The following LCOR variants were observed in gnomAD, a reference collection of about 807,000 sequenced individuals.
The protein encoded by LCOR is ligand dependent nuclear receptor corepressor, also known as ligand-dependent corepressor.
In LCOR, 14 loss-of-function variants were observed where a neutral mutation model predicts 64.4. That is an observed-to-expected ratio of 0.22 (90% CI 0.14 to 0.34). The LOEUF (loss-of-function observed/expected upper bound fraction) is 0.34, where lower values mean the gene tolerates loss of function less well. Among genes scored for constraint, LCOR ranks in the 10% least tolerant of loss-of-function variants. The pLI is 1.00. For synonymous variants in LCOR, 643 were observed against 642.5 expected, an observed-to-expected ratio of 1.00 and a Z score of -0.01; for missense variants, 1,686 against 1,765.3, an observed-to-expected ratio of 0.96 and a Z score of 0.80.
chr10:96,832,701 C>T (rs930256105), intron 1 of LCOR, among the ~76,000 whole-genome samples: 8 of 150,804 alleles, frequency 5.3e-5, no homozygotes, highest in Non-Finnish European at 7.4e-5. Flanking sequence ...GCTCCCCTCC[C>T]TCCCCGCTCC....
At chr10:96,857,415 G>A (rs1443846567) in intron 2 of LCOR, among the ~76,000 whole-genome samples, 1 of 152,174 alleles carries the variant, frequency 6.6e-6, no homozygotes, top group South Asian at 2.1e-4. Flanking sequence ...TGTGTGAATT[G>A]ATGCTGCTAT....
At chr10:96,953,331 C>G (rs1023125698) in intron 7 of LCOR, among the ~76,000 whole-genome samples, 1 of 152,026 alleles carries the variant, frequency 6.6e-6, no homozygotes, top group Non-Finnish European at 1.5e-5. Context: ...GCGGGCAGAT[C>G]ACTTGAGGTC....
At chr10:96,861,330 G>A (rs1046766354) in intron 2 of LCOR, among the ~76,000 whole-genome samples, 22 of 152,324 alleles carry the variant, frequency 1.4e-4, no homozygotes, top group African/African-American at 5.3e-4. Context: ...AGTGATGAAT[G>A]CAGTAAGCTT....
intron 4 of LCOR, among the ~76,000 whole-genome samples, chr10:96,924,621 C>T (rs1847136998): frequency 6.6e-6 from 1 of 150,696 alleles, no homozygotes; most frequent in African/African-American, 2.4e-5. Context: ...ACCTATATAC[C>T]CTTCACCGAG....
intron 2 of LCOR, among the ~76,000 whole-genome samples, chr10:96,877,513 G>A (rs1225689232): frequency 2.0e-5 from 3 of 150,572 alleles, no homozygotes; most frequent in Non-Finnish European, 2.9e-5. Flanking sequence ...GAGTGAGTGA[G>A]ATCCTGTCTC....
intron 2 of LCOR, among the ~76,000 whole-genome samples, chr10:96,863,735 T>C (rs770299081): frequency 1.4e-4 from 22 of 152,218 alleles, no homozygotes; most frequent in Non-Finnish European, 2.8e-4. Flanking sequence ...GCCCAAAGGC[T>C]TGGTCTTGTA....
At position 96,982,545 on chromosome 10, in the gene LCOR, A is replaced by G. The variant is rs750977287; in HGVS notation, c.2085A>G (p.Ile695Met). 1 of 1,614,164 alleles carries G rather than the reference A, an allele frequency of 6.2e-7. No individual in the cohort carries two copies. Among genetic ancestry groups the G allele is most frequent in the Non-Finnish European group, 8.5e-7 (1 of 1,180,040 alleles). ...CTAGGCCTCATTCTCCTCCTGAAAT[A>G]GTCAGTAGAGAAGAAAGTCCTCAGT... ...VISRPHSPPEIVSREESPQCS... is the reference protein window; with the variant it reads ...VISRPHSPPEMVSREESPQCS... The change falls in exon 8 of 8, where the codon ATA becomes ATG. Residue 695 changes from isoleucine (I) to methionine (M), a missense_variant. By Grantham distance (10) the Ile-to-Met change is conservative (BLOSUM62 1). Around this residue, in one of 3 missense-constraint regions of LCOR, gnomAD observed 1,293 missense variants for 1,410.4 expected, o/e 0.92. Transcript: ENST00000421806.
In LCOR at chr10:96,982,321, C is replaced by T. The variant is rs1372502721; in HGVS notation, c.1861C>T (p.Pro621Ser). Reference sequence around the variant, plus strand: ...AGCCTCCAGCCTGGTGTGGCCTCTCCCTGCTCACCTTCCTGAAGAGGACCT... The same window carrying T: ...AGCCTCCAGCCTGGTGTGGCCTCTCTCTGCTCACCTTCCTGAAGAGGACCT... ...TTASSLVWPL[P>S]AHLPEEDLPE... is the part of the protein sequence containing the mutation. The change falls in exon 8 of 8, where the codon CCT becomes TCT. Residue 621 changes from proline to serine, a missense_variant. Pro to Ser is a moderately conservative substitution (Grantham distance 74, BLOSUM62 -1). Around this residue, in one of 3 missense-constraint regions of LCOR, gnomAD observed 1,293 missense variants for 1,410.4 expected, o/e 0.92. Coordinates refer to ENST00000421806, the MANE Select transcript of LCOR (RefSeq NM_001346516.2). 2 of 1,614,212 alleles carry T rather than the reference C, an allele frequency of 1.2e-6. No homozygotes were observed. Among genetic ancestry groups the T allele is most frequent in the Non-Finnish European group, 1.7e-6 (2 of 1,180,036 alleles).
At chr10:96,832,540 C>G (rs1048407028) in intron 1 of LCOR, 141 bp downstream of exon 1, 9 of 185,044 alleles carry the variant, frequency 4.9e-5, no homozygotes, top group Non-Finnish European at 7.0e-5. Context: ...CCTTCCCCCA[C>G]CCCCCGGAGT....
chr10:96,938,696 G>A (rs558036014), intron 4 of LCOR, among the ~76,000 whole-genome samples: 35 of 151,876 alleles, frequency 2.3e-4, no homozygotes, highest in African/African-American at 7.2e-4. Context: ...CAGAATACCC[G>A]TCATTAAAAA....
chr10:96,843,488 A>G (rs979151219), intron 2 of LCOR, among the ~76,000 whole-genome samples: 1 of 152,114 alleles, frequency 6.6e-6, no homozygotes, highest in African/African-American at 2.4e-5. Flanking sequence ...TGCCCACTGG[A>G]TATTATCCTG....
chr10:96,893,446 A>C lies in LCOR; in HGVS notation c.-329-13819A>C, dbSNP rs940079069. Among the ~76,000 whole-genome samples the C allele has an allele frequency of 5.9e-5, 9 of 152,186 alleles. No homozygotes were observed. The East Asian group carries it at 1.7e-3, about 29-fold the overall frequency. On this transcript the variant is annotated intron_variant, in intron 2 of 7. Transcript: ENST00000421806. ...TCACGTTATAAATTTATAGCCAAGG[A>C]AAGTGAGGTGTGAAGAAGACAAATT...
At chr10:96,840,397 C>G (rs1476239568) in intron 2 of LCOR, among the ~76,000 whole-genome samples, 3 of 152,056 alleles carry the variant, frequency 2.0e-5, no homozygotes. Context: ...TGTATCTTTA[C>G]TATAATGAAG....
intron 2 of LCOR, among the ~76,000 whole-genome samples, chr10:96,873,571 C>CGTGT (rs55893181): frequency 0.24 from 29,757 of 125,712 alleles, 3,925 homozygotes; most frequent in Non-Finnish European, 0.31. Context: ...CACACACACA[C>CGTGT]GTGTGTGTGT....
intron 2 of LCOR, among the ~76,000 whole-genome samples, chr10:96,875,149 C>T (rs1846141831): frequency 6.6e-6 from 1 of 151,528 alleles, no homozygotes; most frequent in African/African-American, 2.4e-5. Context: ...CTTTGGGAGG[C>T]CGAGGCAGGC....
chr10:96,849,858 CTTTTTTTT>C (rs964263701), intron 2 of LCOR, among the ~76,000 whole-genome samples: 3 of 115,692 alleles, frequency 2.6e-5, no homozygotes, highest in African/African-American at 6.8e-5. Context: ...GTGTCACTCA[CTTTTTTTT>C]TTTTTTTTTT....
chr10:96,983,212 A>G lies in LCOR; in HGVS notation c.2752A>G (p.Lys918Glu). ...GCAGACTTTGAAAAACATGCTGGAC[A>G]AAGAAGTCAAGGAGTTACGAGGAGA... ...TRQTLKNMLD[K>E]EVKELRGEIF... is the part of the protein sequence containing the mutation. The change falls in exon 8 of 8, where the codon AAA (lysine) becomes GAA (glutamate). Residue 918 changes from lysine (K) to glutamate (E), a missense_variant. Around this residue, in one of 3 missense-constraint regions of LCOR, gnomAD observed 1,293 missense variants for 1,410.4 expected, o/e 0.92. Coordinates refer to ENST00000421806, the MANE Select transcript of LCOR (RefSeq NM_001346516.2). The surrounding 1 kb of genome is among the most constrained non-coding windows in gnomAD (Gnocchi z 4.5). The G allele has an allele frequency of 6.2e-7, 1 of 1,614,110 alleles. No individual in the cohort carries two copies. Among genetic ancestry groups the G allele is most frequent in the South Asian group, 1.1e-5 (1 of 91,086 alleles).
At position 96,985,411 on chromosome 10, in the gene LCOR, A is replaced by G; in HGVS notation, c.*277A>G. 1 of 307,464 alleles carries G rather than the reference A, an allele frequency of 3.3e-6. No individual in the cohort carries two copies. Among genetic ancestry groups the G allele is most frequent in the Non-Finnish European group, 6.2e-6 (1 of 161,040 alleles). The allele number at this position is 307,464 out of a possible 1,614,324, so 19.0% of individuals were successfully genotyped here. A position where few individuals can be genotyped will look rare whatever the true frequency, so the allele number is the denominator to read the frequency against. ...TTCGTTTTTAAAAGTACAGTGCCTT[A>G]TTTATCCTTTTTGTTTTTAAATTTA... On this transcript the variant is annotated 3_prime_UTR_variant, in exon 8 of 8. Transcript: ENST00000421806.
At chr10:96,873,124 A>G (rs1846100478) in intron 2 of LCOR, among the ~76,000 whole-genome samples, 1 of 152,216 alleles carries the variant, frequency 6.6e-6, no homozygotes. Flanking sequence ...ATGGGGTTAC[A>G]TTATATATGC....
Sources: gnomAD v4.1 joint callset for allele counts (sites outside exome capture counted in the v4.1 genomes callset) on GRCh38, gnomAD v4.1.1 for gene constraint, gnomAD v4.1.1 regional missense constraint, Gnocchi (gnomAD v3.1) non-coding constraint, MANE v1.5 for transcripts, NCBI Gene and HGNC (gene_info 2026-07-23, HGNC 2026-07-21) for gene names.